The following ZBTB49 variants were observed in gnomAD, a reference collection of about 807,000 sequenced individuals.
The protein encoded by ZBTB49 is zinc finger and BTB domain-containing protein 49.
In ZBTB49, 43 loss-of-function variants were observed where a neutral mutation model predicts 57.5. The observed-to-expected ratio is 0.75, with a 90% CI of 0.59 to 0.97. ZBTB49 has a LOEUF of 0.97. Among genes scored for constraint, ZBTB49 ranks in the 50% least tolerant of loss-of-function variants. The pLI is 0.00. For missense variants in ZBTB49, 938 were observed against 947.7 expected (o/e 0.99, Z 0.13); for synonymous variants, 369 against 362.1 (o/e 1.02, Z -0.22).
chr4:4,315,109 C>T (rs548560706), intron 5 of ZBTB49, among the ~76,000 whole-genome samples: 100 of 152,328 alleles, frequency 6.6e-4, no homozygotes, highest in African/African-American at 2.3e-3. Context: ...AGACTCTGAG[C>T]TCCTGTTTGC....
chr4:4,301,991 G>A lies in ZBTB49; in HGVS notation c.155G>A (p.Ser52Asn), dbSNP rs777785768. Residue 52 changes from serine (S) to asparagine (N), a missense_variant and splice_region_variant, in exon 3 of 8, where the codon AGC becomes AAC. Ser to Asn is a conservative substitution (Grantham distance 46, BLOSUM62 1). Around this residue, in one of 3 missense-constraint regions of ZBTB49, gnomAD observed 100 missense variants for 112.5 expected, o/e 0.89. Coordinates refer to ENST00000337872, the MANE Select transcript of ZBTB49 (RefSeq NM_145291.4). ...ACAGATATTCTTTCTTTTACCAGGA[G>A]CCTCTTTCAGAATTCTTCAAGCCAG... Reference protein sequence around the residue: ...VLAAFSQYFRSLFQNSSSQKN... With the variant: ...VLAAFSQYFRNLFQNSSSQKN... 9.2e-6 allele frequency: 14 copies of A among 1,521,298 alleles called. No homozygotes were observed. The highest frequency in any genetic ancestry group is 1.8e-4 in the Middle Eastern group (1 of 5,690). 94.2% of individuals were successfully genotyped at this position (1,521,298 alleles called of 1,614,324 possible).
At chr4:4,305,169 A>AATG (rs774876421) in intron 3 of ZBTB49, among the ~76,000 whole-genome samples, 1 of 100,000 alleles carries the variant, frequency 1.0e-5, no homozygotes, top group African/African-American at 3.7e-5. Flanking sequence ...TATTATTAAT[A>AATG]TAAATATAAT....
intron 5 of ZBTB49, among the ~76,000 whole-genome samples, chr4:4,313,637 C>T (rs1330719438): frequency 2.0e-5 from 3 of 152,102 alleles, no homozygotes; most frequent in African/African-American, 4.8e-5. Flanking sequence ...TGACTCTTGA[C>T]GTGGAATAAA....
rs1560116015 is a variant in ZBTB49 at position 4,315,866 on chromosome 4, T to C, written c.1517T>C (p.Val506Ala). ...AAAAAGACACACACGGCTGATAAAG[T>C]CTTCACCTGTGATGAGTGTGGAAAG... ...EHKKTHTADKVFTCDECGKSF... is the reference protein window; with the variant it reads ...EHKKTHTADKAFTCDECGKSF... Residue 506 changes from valine (V) to alanine (A), a missense_variant, in exon 7 of 8, where the codon GTC becomes GCC. Physicochemically the swap from Val to Ala is moderately conservative, Grantham distance 64. Around this residue, in one of 3 missense-constraint regions of ZBTB49, gnomAD observed 835 missense variants for 819.1 expected, o/e 1.02. Coordinates refer to ENST00000337872, the MANE Select transcript of ZBTB49 (RefSeq NM_145291.4). The C allele has an allele frequency of 1.2e-6, 2 of 1,614,210 alleles. No homozygotes were observed. The highest frequency in any genetic ancestry group is 1.7e-5 in the Admixed American group (1 of 60,020).
chr4:4,302,453 C>G lies in ZBTB49; in HGVS notation c.617C>G (p.Pro206Arg), dbSNP rs1720528261. The G allele has an allele frequency of 3.7e-6, 6 of 1,614,208 alleles. No homozygotes were observed. Among genetic ancestry groups the G allele is most frequent in the Non-Finnish European group, 5.1e-6 (6 of 1,180,036 alleles). Residue 206 changes from proline (P) to arginine (R), a missense_variant, in exon 3 of 8, where the codon CCT (proline) becomes CGT (arginine). This residue lies in a region of ZBTB49 where 835 missense variants were observed against 819.1 expected (regional missense o/e 1.02). Transcript: ENST00000337872. ...TCAGATGGCAGCTGCACAGAACTGC[C>G]TTTCAAACAGCCAAATTACTATTAC... ...DTSDGSCTEL[P>R]FKQPNYYYKL...
Position 4,321,500 on chromosome 4 carries a change from C to G in ZBTB49, c.*184C>G. ...CTGGGGGTGTGAGGGGGAGGGCCTGCTGGCTCACCGTGAGGCAGCCGCGGG... is the reference window on the plus strand; with the variant it reads ...CTGGGGGTGTGAGGGGGAGGGCCTGGTGGCTCACCGTGAGGCAGCCGCGGG... On this transcript the variant is annotated 3_prime_UTR_variant, in exon 8 of 8. Coordinates refer to ENST00000337872, the MANE Select transcript of ZBTB49 (RefSeq NM_145291.4). The G allele has an allele frequency of 1.4e-6, 1 of 698,388 alleles. No individual in the cohort carries two copies. The highest frequency in any genetic ancestry group is 4.0e-4 in the Middle Eastern group (1 of 2,514). 43.3% of individuals were successfully genotyped at this position (698,388 alleles called of 1,614,324 possible). A position where few individuals can be genotyped will look rare whatever the true frequency, so the allele number is the denominator to read the frequency against.
chr4:4,309,187 T>TTA (rs1309529522), intron 4 of ZBTB49, among the ~76,000 whole-genome samples: 1 of 152,220 alleles, frequency 6.6e-6, no homozygotes, highest in East Asian at 1.9e-4. Context: ...CTTTTTAAAA[T>TTA]AGTTAACCGC....
chr4:4,312,893 G>A (rs1721034232), intron 4 of ZBTB49, 148 bp from the exon 5 acceptor site: 1 of 835,426 alleles, frequency 1.2e-6, no homozygotes, highest in Non-Finnish European at 1.8e-6. Flanking sequence ...TCTTGCCCAT[G>A]GCTTCTTTTG....
In ZBTB49 at chr4:4,302,057, G is replaced by C. The variant is rs1720495683; in HGVS notation, c.221G>C (p.Gly74Ala). Residue 74 changes from glycine (G) to alanine (A), a missense_variant, in exon 3 of 8, where the codon GGC becomes GCC. By Grantham distance (60) the Gly-to-Ala change is moderately conservative. Transcript: ENST00000337872. The part of the protein sequence containing the change: ...VFHLDVKNVS[G>A]IGQILDFMYT... ...CACTTGGATGTTAAAAATGTCAGTG[G>C]CATAGGGCAGATCCTGGACTTCATG... The C allele has an allele frequency of 1.2e-6, 2 of 1,611,150 alleles. No homozygotes were observed. The highest frequency in any genetic ancestry group is 1.3e-5 in the African/African-American group (1 of 74,982).
At chr4:4,293,088 T>C (rs1720020189) in intron 1 of ZBTB49, among the ~76,000 whole-genome samples, 1 of 152,198 alleles carries the variant, frequency 6.6e-6, no homozygotes. Flanking sequence ...CTCTCCATTT[T>C]TATAGATGAA....
intron 4 of ZBTB49, among the ~76,000 whole-genome samples, chr4:4,308,168 C>T (rs1720823152): frequency 1.3e-5 from 2 of 152,186 alleles, no homozygotes; most frequent in Admixed American, 6.5e-5. Context: ...ACCTCTGCCT[C>T]CCAGGTTCAA....
intron 4 of ZBTB49, 50 bp from the exon 5 acceptor site, chr4:4,312,991 A>C: frequency 6.3e-7 from 1 of 1,598,340 alleles, no homozygotes; most frequent in African/African-American, 1.3e-5. Flanking sequence ...ATAATTTAAA[A>C]AACCAAAAAC....
intron 1 of ZBTB49, among the ~76,000 whole-genome samples, chr4:4,292,367 G>A (rs1279536248): frequency 2.0e-5 from 3 of 152,204 alleles, no homozygotes; most frequent in Admixed American, 6.5e-5. Flanking sequence ...ATGGATGACC[G>A]TATCTGATGT....
intron 3 of ZBTB49, among the ~76,000 whole-genome samples, chr4:4,305,663 C>G (rs2108883998): frequency 6.6e-6 from 1 of 152,302 alleles, no homozygotes; most frequent in South Asian, 2.1e-4. Context: ...TGGTGAGGGG[C>G]TCTTTCCTTT....
Position 4,303,319 on chromosome 4 carries a change from T to G in ZBTB49, c.1255+228T>G, listed in dbSNP as rs116749782. Among the ~76,000 whole-genome samples the G allele has an allele frequency of 4.6e-3, 697 of 152,352 alleles. 11 individuals carry two copies. Among genetic ancestry groups the G allele is most frequent in the African/African-American group, 0.016 (653 of 41,574 alleles). ...AGTCACTTTAAAAAGGTGCATACTT[T>G]TAATTTTTATTTCAACTACATTTTT... On this transcript the variant is annotated intron_variant, in intron 3 of 7. Transcript: ENST00000337872.
At chr4:4,320,030 C>T (rs765491310) in intron 7 of ZBTB49, among the ~76,000 whole-genome samples, 57 of 152,368 alleles carry the variant, frequency 3.7e-4, no homozygotes, top group Non-Finnish European at 6.6e-4. Flanking sequence ...TGCCACTTCA[C>T]TCCAGCCTGG....
At chr4:4,294,442 G>A (rs201816285) in intron 1 of ZBTB49, among the ~76,000 whole-genome samples, 2 of 152,050 alleles carry the variant, frequency 1.3e-5, no homozygotes, top group Non-Finnish European at 2.9e-5. Context: ...CTGGAACCTC[G>A]GCCTTCTGGG....
intron 1 of ZBTB49, among the ~76,000 whole-genome samples, chr4:4,293,210 C>T (rs1303198489): frequency 1.3e-5 from 2 of 151,922 alleles, no homozygotes; most frequent in Non-Finnish European, 2.9e-5. Flanking sequence ...AGATGGAGTC[C>T]ATGTCTTCAC....
At chr4:4,314,904 G>C (rs1359095684) in intron 5 of ZBTB49, among the ~76,000 whole-genome samples, 7 of 152,214 alleles carry the variant, frequency 4.6e-5, no homozygotes, top group Non-Finnish European at 1.0e-4. Context: ...ATGGGATAAT[G>C]GTTGTTAAAC....
Sources: allele counts gnomAD v4.1 joint callset (sites outside exome capture counted in the v4.1 genomes callset), GRCh38; gene constraint gnomAD v4.1.1; regional missense constraint gnomAD v4.1.1; transcripts MANE v1.5; gene names NCBI Gene and HGNC (gene_info 2026-07-23, HGNC 2026-07-21).